The following FARP1 variants were observed in gnomAD, a reference collection of about 807,000 sequenced individuals.
FARP1 encodes FERM, ARH/RhoGEF and pleckstrin domain protein 1, also known as FERM, ARHGEF and pleckstrin domain-containing protein 1.
In FARP1, 52 loss-of-function variants were observed where a neutral mutation model predicts 128.8. The ratio of observed to expected loss-of-function variants is 0.40; its 90% CI spans 0.32 to 0.51. FARP1 has a LOEUF of 0.51. Ranked by LOEUF, FARP1 falls within the 20% of genes least tolerant of loss-of-function variation. The pLI is 0.45. For synonymous variants in FARP1, 580 were observed against 551.8 expected (o/e 1.05, Z -0.72); for missense variants, 1,333 against 1,367.9 (o/e 0.97, Z 0.40).
At chr13:98,421,937 T>A (rs1278315841) in intron 16 of FARP1, among the ~76,000 whole-genome samples, 1 of 152,134 alleles carries the variant, frequency 6.6e-6, no homozygotes, top group African/African-American at 2.4e-5. Flanking sequence ...GAACATTTTG[T>A]GTTTGAGATA....
chr13:98,155,000 C>G (rs1876397737), intron 1 of FARP1, among the ~76,000 whole-genome samples: 1 of 152,048 alleles, frequency 6.6e-6, no homozygotes, highest in Non-Finnish European at 1.5e-5. Context: ...TCGCTTGAGC[C>G]CAGGAGTTCC....
chr13:98,223,466 G>C (rs1392815546), intron 2 of FARP1, among the ~76,000 whole-genome samples: 2 of 152,014 alleles, frequency 1.3e-5, no homozygotes, highest in African/African-American at 4.8e-5. Flanking sequence ...CTGGGACTAC[G>C]GGCACCCGCC....
chr13:98,231,286 G>A (rs1366512865), intron 2 of FARP1, among the ~76,000 whole-genome samples: 3 of 151,562 alleles, frequency 2.0e-5, no homozygotes, highest in Admixed American at 2.0e-4. Context: ...TCTGGAGCTA[G>A]GGAGAACAGA....
rs747653583 is a variant in FARP1, at chr13:98,446,724, A to T, written c.2963A>T (p.Glu988Val). The T allele has an allele frequency of 6.2e-7, 1 of 1,614,140 alleles. No homozygotes were observed. Among genetic ancestry groups the T allele is most frequent in the South Asian group, 1.1e-5 (1 of 91,084 alleles). The change falls in exon 26 of 27, where the codon GAG becomes GTG. Residue 988 changes from glutamate (E) to valine (V), a missense_variant. By Grantham distance (121) the Glu-to-Val change is moderately radical. This residue lies in a region of FARP1 where 1,009 missense variants were observed against 969.8 expected (regional missense o/e 1.04). Transcript: ENST00000319562. ...LLGYSLTIPSESENIQKDYVF... is the reference protein window; with the variant it reads ...LLGYSLTIPSVSENIQKDYVF... ...GGCTACTCGCTCACCATCCCCTCTG[A>T]GTCCGAGAACATCCAGAAAGACTAC...
Position 98,365,286 on chromosome 13 carries a change from C to T in FARP1, c.277-109C>T, listed in dbSNP as rs573857615. On this transcript the variant is annotated intron_variant, in intron 3 of 26. Coordinates refer to ENST00000319562, the MANE Select transcript of FARP1 (RefSeq NM_005766.4). ...TGGAGAAAAATGGAACAGGCGGCCT[C>T]ATATCCTCAAAAATATTTTGATTTT... 5.9e-5 allele frequency: 46 copies of T among 784,418 alleles called. No individual in the cohort carries two copies. In the South Asian group the frequency reaches 7.3e-4, roughly 12 times the overall value. 48.6% of individuals were successfully genotyped at this position (784,418 alleles called of 1,614,324 possible). A position where few individuals can be genotyped will look rare whatever the true frequency, so the allele number is the denominator to read the frequency against.
chr13:98,196,603 A>G (rs1470419200), intron 1 of FARP1, among the ~76,000 whole-genome samples: 1 of 152,238 alleles, frequency 6.6e-6, no homozygotes, highest in East Asian at 1.9e-4. Context: ...TTAATTTTAC[A>G]ATACACTGAA....
intron 2 of FARP1, among the ~76,000 whole-genome samples, chr13:98,294,157 C>T (rs1485934397): frequency 6.6e-6 from 1 of 152,178 alleles, no homozygotes; most frequent in Non-Finnish European, 1.5e-5. Context: ...CTGTGGCTTC[C>T]CTTACTCTCA....
At chr13:98,226,731 G>A (rs1230900878) in intron 2 of FARP1, among the ~76,000 whole-genome samples, 1 of 152,162 alleles carries the variant, frequency 6.6e-6, no homozygotes, top group African/African-American at 2.4e-5. Context: ...AATTAGAACT[G>A]AAGTACGGGT....
At chr13:98,181,341 C>G (rs1878496283) in intron 1 of FARP1, among the ~76,000 whole-genome samples, 1 of 152,122 alleles carries the variant, frequency 6.6e-6, no homozygotes, top group South Asian at 2.1e-4. Context: ...TCAGTTTTAT[C>G]CCCTGCAAAG....
rs139626635 is a variant in FARP1, at chr13:98,224,367, A to G, written c.171+10954A>G. Among the ~76,000 whole-genome samples the G allele has an allele frequency of 4.8e-3, 731 of 151,844 alleles. 7 individuals carry two copies. The highest frequency in any genetic ancestry group is 0.017 in the African/African-American group (697 of 41,396). ...ATGGTGAAACCCCGTCTCTACTAAA[A>G]ATACAAAAAATTAGCTGGGCGTGGT... On this transcript the variant is annotated intron_variant, in intron 2 of 26. Coordinates refer to ENST00000319562, the MANE Select transcript of FARP1 (RefSeq NM_005766.4).
rs528533773 is a variant in FARP1 at position 98,235,938 on chromosome 13, C to G, written c.171+22525C>G. On this transcript the variant is annotated intron_variant, in intron 2 of 26. Transcript: ENST00000319562. ...TCCTGGGTTAAAGCAATTCCCCTGCCTCAGCCTCCAGAGTAGCTGGGATTA... is the reference window on the plus strand; with the variant it reads ...TCCTGGGTTAAAGCAATTCCCCTGCGTCAGCCTCCAGAGTAGCTGGGATTA... 3.3e-5 allele frequency among the ~76,000 whole-genome samples: 5 copies of G among 152,006 alleles called. No individual in the cohort carries two copies. The South Asian group carries it at 1.0e-3, about 32-fold the overall frequency.
chr13:98,273,139 G>C lies in FARP1; in HGVS notation c.171+59726G>C, dbSNP rs184155404. Reference sequence around the variant, plus strand: ...GTATGCGTTGGTTTGCCCTGAAAAGGTGGGATATCTTGAGGCAGGGGCTTA... The same window carrying C: ...GTATGCGTTGGTTTGCCCTGAAAAGCTGGGATATCTTGAGGCAGGGGCTTA... On this transcript the variant is annotated intron_variant, in intron 2 of 26. Transcript: ENST00000319562. Among the ~76,000 whole-genome samples the C allele has an allele frequency of 1.5e-3, 227 of 152,296 alleles. 4 individuals are homozygous for C. Among genetic ancestry groups the C allele is most frequent in the Non-Finnish European group, 5.7e-4 (39 of 68,014 alleles).
At chr13:98,198,338 A>G (rs1355450800) in intron 1 of FARP1, among the ~76,000 whole-genome samples, 1 of 152,224 alleles carries the variant, frequency 6.6e-6, no homozygotes, top group African/African-American at 2.4e-5. Context: ...CAAAACTGGA[A>G]GCAACCACAA....
intron 1 of FARP1, among the ~76,000 whole-genome samples, chr13:98,189,755 C>T (rs1285503044): frequency 4.6e-5 from 7 of 152,122 alleles, no homozygotes; most frequent in Non-Finnish European, 1.0e-4. Flanking sequence ...ATCTGTTTTG[C>T]ATTTTTATTT....
At position 98,352,370 on chromosome 13, in the gene FARP1, T is replaced by A. The variant is rs138249281; in HGVS notation, c.276+8504T>A. Among the ~76,000 whole-genome samples the A allele has an allele frequency of 3.3e-4, 50 of 152,270 alleles. No individual in the cohort carries two copies. In the East Asian group the frequency reaches 9.5e-3, roughly 29 times the overall value. On this transcript the variant is annotated intron_variant, in intron 3 of 26. Coordinates refer to ENST00000319562, the MANE Select transcript of FARP1 (RefSeq NM_005766.4). ...TAAGGCCTAACAGGGCTGGAGCAGCTGTGCTCCAGTGACCAGTAACTGCCC... is the reference window on the plus strand; with the variant it reads ...TAAGGCCTAACAGGGCTGGAGCAGCAGTGCTCCAGTGACCAGTAACTGCCC...
chr13:98,292,309 A>C (rs1479187387), intron 2 of FARP1, among the ~76,000 whole-genome samples: 14 of 152,234 alleles, frequency 9.2e-5, no homozygotes, highest in Admixed American at 8.5e-4. Flanking sequence ...TGTCCAGTGA[A>C]CTTGACTCTT....
rs376545030 is a variant in FARP1, at chr13:98,393,587, G to C, written c.1089-56G>C. Reference sequence around the variant, plus strand: ...GGACTTTTGTTTCATTTAAAACCAAGGAAAAAGAAACAAAAACCTCACCTA... The same window carrying C: ...GGACTTTTGTTTCATTTAAAACCAACGAAAAAGAAACAAAAACCTCACCTA... On this transcript the variant is annotated intron_variant, in intron 11 of 26. Transcript: ENST00000319562. 7 of 1,411,900 alleles carry C rather than the reference G, an allele frequency of 5.0e-6. No individual in the cohort carries two copies. In the East Asian group the frequency reaches 6.8e-5, roughly 14 times the overall value. The allele number at this position is 1,411,900 out of a possible 1,614,324, so 87.5% of individuals were successfully genotyped here. A position where few individuals can be genotyped will look rare whatever the true frequency, so the allele number is the denominator to read the frequency against.
At chr13:98,432,343 G>C (rs540971435) in intron 18 of FARP1, 2 of 152,290 alleles carry the variant, frequency 1.3e-5, no homozygotes, top group Admixed American at 6.5e-5. Flanking sequence ...TTTACAGAGC[G>C]TGACGCTGAG....
At chr13:98,442,130 C>T (rs376034594) in intron 24 of FARP1, among the ~76,000 whole-genome samples, 77 of 152,344 alleles carry the variant, frequency 5.1e-4, no homozygotes, top group African/African-American at 1.8e-3. Flanking sequence ...TCTCTGCCCC[C>T]GCGCCCTCTG....
Sources: allele counts gnomAD v4.1 joint callset (sites outside exome capture counted in the v4.1 genomes callset), GRCh38; gene constraint gnomAD v4.1.1; regional missense constraint gnomAD v4.1.1; transcripts MANE v1.5; gene names NCBI Gene and HGNC (gene_info 2026-07-23, HGNC 2026-07-21).